The following CDK18 variants were observed in gnomAD, a reference collection of about 807,000 sequenced individuals.
CDK18 encodes cyclin dependent kinase 18.
Under a neutral mutation model 62.0 loss-of-function variants are expected in CDK18, and 52 were observed. That is an observed-to-expected ratio of 0.84 (90% confidence interval 0.67 to 1.06). CDK18 has a LOEUF of 1.06. Ranked by LOEUF, CDK18 falls within the 50% of genes least tolerant of loss-of-function variation. CDK18 has a pLI of 0.00. For synonymous variants in CDK18, 237 were observed against 247.0 expected, an observed-to-expected ratio of 0.96 and a Z score of 0.38; for missense variants, 604 against 619.9, an observed-to-expected ratio of 0.97 and a Z score of 0.27.
At chr1:205,507,428 G>A (rs4951007) in intron 1 of CDK18, among the ~76,000 whole-genome samples, 18,832 of 150,740 alleles carry the variant, frequency 0.12, 1,570 homozygotes, top group Middle Eastern at 0.19. Context: ...TCAGGAGATC[G>A]AGACCATCCT....
intron 1 of CDK18, among the ~76,000 whole-genome samples, chr1:205,513,685 A>C (rs16855692): frequency 0.071 from 10,828 of 152,210 alleles, 783 homozygotes; most frequent in African/African-American, 0.19. Flanking sequence ...AGGCTCTGAG[A>C]ATCTTCCCTG....
At chr1:205,515,266 T>A (rs1667764769) in intron 1 of CDK18, among the ~76,000 whole-genome samples, 1 of 145,250 alleles carries the variant, frequency 6.9e-6, no homozygotes, top group Non-Finnish European at 1.5e-5. Flanking sequence ...AAACTCTGCC[T>A]CCTGGGTTCA....
rs1668299756 is a variant in CDK18, at chr1:205,524,242, A to G, written c.284A>G (p.Lys95Arg). The G allele has an allele frequency of 6.2e-7, 1 of 1,614,074 alleles. No individual in the cohort carries two copies. Among genetic ancestry groups the G allele is most frequent in the African/African-American group, 1.3e-5 (1 of 74,942 alleles). Residue 95 changes from lysine (K) to arginine (R), a missense_variant, in exon 4 of 16, where the codon AAG becomes AGG. Coordinates refer to ENST00000429964, the MANE Select transcript of CDK18 (RefSeq NM_212502.3). ...QRRFSMEDVS[K>R]RLSLPMDIRL... The stretch of plus-strand genomic sequence containing the variant: ...TCCCTGTCACCACAGGACGTCAGCA[A>G]GAGGCTCTCTCTGCCCATGGATATC...
At chr1:205,511,694 GAC>G (rs1667571456) in intron 1 of CDK18, among the ~76,000 whole-genome samples, 1 of 152,174 alleles carries the variant, frequency 6.6e-6, no homozygotes, top group Non-Finnish European at 1.5e-5. Flanking sequence ...GCATGCCTGT[GAC>G]ACATGTGTAT....
intron 4 of CDK18, 60 bp downstream of exon 4, chr1:205,524,417 C>T (rs41264889): frequency 0.062 from 98,321 of 1,592,938 alleles, 3,671 homozygotes; most frequent in Admixed American, 0.14. Context: ...CCAGCATGGG[C>T]ATATCAGTCC....
intron 1 of CDK18, among the ~76,000 whole-genome samples, chr1:205,506,447 CAGA>C (rs1170029049): frequency 2.6e-5 from 4 of 152,288 alleles, no homozygotes; most frequent in African/African-American, 7.2e-5. Flanking sequence ...CCACGCGTGC[CAGA>C]AGAAGTTCTT....
At position 205,527,380 on chromosome 1, in the gene CDK18, G is replaced by A; in HGVS notation, c.730-414G>A. 1 of 214,628 alleles carries A rather than the reference G, an allele frequency of 4.7e-6. No homozygotes were observed. Among genetic ancestry groups the A allele is most frequent in the South Asian group, 8.1e-5 (1 of 12,392 alleles). The allele number at this position is 214,628 out of a possible 1,614,324, so 13.3% of individuals were successfully genotyped here. A position where few individuals can be genotyped will look rare whatever the true frequency, so the allele number is the denominator to read the frequency against. ...CATAGTCCCAGCTGCTTGAGAGGCT[G>A]AGGCAGGAGGGCCACTTGAGCCCGG... On this transcript the variant is annotated intron_variant, in intron 8 of 15. Transcript: ENST00000429964. This position sits in a 1 kb window ranked among gnomAD's most constrained non-coding sequence, Gnocchi z 4.1.
chr1:205,515,466 C>T (rs749776134), intron 1 of CDK18, among the ~76,000 whole-genome samples: 4 of 152,278 alleles, frequency 2.6e-5, no homozygotes, highest in East Asian at 3.9e-4. Flanking sequence ...CATGAGCCAC[C>T]GCGCCTAGCC....
At position 205,528,931 on chromosome 1, in the gene CDK18, TG is replaced by T; in HGVS notation, c.975-66del. On this transcript the variant is annotated intron_variant, in intron 10 of 15. Coordinates refer to ENST00000429964, the MANE Select transcript of CDK18 (RefSeq NM_212502.3). This position sits in a 1 kb window ranked among gnomAD's most constrained non-coding sequence, Gnocchi z 4.2. Reference sequence around the variant, plus strand: ...CTGTGGCAGGTCGTCATTGGTGCCCTGGTGGAGCAGCCCTAGGAAGGGCGGC... The same window carrying T: ...CTGTGGCAGGTCGTCATTGGTGCCCTGTGGAGCAGCCCTAGGAAGGGCGGC... 2.9e-6 allele frequency: 3 copies of T among 1,045,618 alleles called. No homozygotes were observed. The highest frequency in any genetic ancestry group is 2.8e-6 in the Non-Finnish European group (2 of 711,236). The allele number at this position is 1,045,618 out of a possible 1,614,324, so 64.8% of individuals were successfully genotyped here. A position where few individuals can be genotyped will look rare whatever the true frequency, so the allele number is the denominator to read the frequency against.
At chr1:205,505,814 C>G (rs1431794295) in intron 1 of CDK18, among the ~76,000 whole-genome samples, 1 of 151,960 alleles carries the variant, frequency 6.6e-6, no homozygotes, top group Non-Finnish European at 1.5e-5. Context: ...CACCTCCCGG[C>G]AGTCGGGGTG....
intron 8 of CDK18, 139 bp downstream of exon 8, chr1:205,526,976 A>G: frequency 1.4e-6 from 1 of 693,610 alleles, no homozygotes; most frequent in East Asian, 2.6e-5. Context: ...GGAGAGGGCA[A>G]TGCCATCAAC....
chr1:205,515,652 T>C (rs1667782685), intron 1 of CDK18, among the ~76,000 whole-genome samples: 1 of 152,166 alleles, frequency 6.6e-6, no homozygotes, highest in African/African-American at 2.4e-5. Context: ...GTTTCTTCCA[T>C]GACACCAAAC....
Position 205,527,967 on chromosome 1 carries a change from G to T in CDK18, c.853+50G>T. On this transcript the variant is annotated intron_variant, in intron 9 of 15. Transcript: ENST00000429964. This position sits in a 1 kb window ranked among gnomAD's most constrained non-coding sequence, Gnocchi z 4.1. ...TCTGACGCTACTGGGGTGCCTCAGG[G>T]TGTGGGTGCAGTGGGGGAGGGCATA... The T allele has an allele frequency of 6.2e-7, 1 of 1,613,228 alleles. No individual in the cohort carries two copies.
chr1:205,523,722 T>C lies in CDK18; in HGVS notation c.273+97T>C, dbSNP rs946077549. ...TGCCTTACAGCCAGACTTTGTGAGT[T>C]CAAATTCCACCTCTGCCATTCATTA... On this transcript the variant is annotated intron_variant, in intron 3 of 15. Coordinates refer to ENST00000429964, the MANE Select transcript of CDK18 (RefSeq NM_212502.3). The C allele has an allele frequency of 1.3e-5, 19 of 1,427,554 alleles. No individual in the cohort carries two copies. The Middle Eastern group carries it at 5.4e-4, about 40-fold the overall frequency. 88.4% of individuals were successfully genotyped at this position (1,427,554 alleles called of 1,614,324 possible).
intron 1 of CDK18, among the ~76,000 whole-genome samples, chr1:205,507,027 C>T (rs1446783327): frequency 2.6e-5 from 4 of 152,212 alleles, no homozygotes; most frequent in Non-Finnish European, 5.9e-5. Context: ...GTCCCGCACT[C>T]GGGAATGCGT....
At chr1:205,520,728 A>G (rs1019028999) in intron 1 of CDK18, among the ~76,000 whole-genome samples, 3 of 151,682 alleles carry the variant, frequency 2.0e-5, no homozygotes, top group African/African-American at 7.3e-5. Flanking sequence ...AAAGGAAAAA[A>G]GAAAATAATT....
chr1:205,523,845 G>A lies in CDK18; in HGVS notation c.273+220G>A, dbSNP rs1668276234. 9.1e-6 allele frequency: 6 copies of A among 656,220 alleles called. No individual in the cohort carries two copies. In the East Asian group the frequency reaches 1.7e-4, roughly 18 times the overall value. 40.6% of individuals were successfully genotyped at this position (656,220 alleles called of 1,614,324 possible). ...GATTAAATGGGTTTATCTATGCCAA[G>A]TGCTTAGAACATTCCTGAATTTAGC... On this transcript the variant is annotated intron_variant, in intron 3 of 15. Coordinates refer to ENST00000429964, the MANE Select transcript of CDK18 (RefSeq NM_212502.3).
Position 205,527,961 on chromosome 1 carries a change from C to T in CDK18, c.853+44C>T, listed in dbSNP as rs1668527172. 6.2e-7 allele frequency: 1 copy of T among 1,613,168 alleles called. No homozygotes were observed. The highest frequency in any genetic ancestry group is 8.5e-7 in the Non-Finnish European group (1 of 1,179,348). ...TGGGGGTCTGACGCTACTGGGGTGC[C>T]TCAGGGTGTGGGTGCAGTGGGGGAG... On this transcript the variant is annotated intron_variant, in intron 9 of 15. Coordinates refer to ENST00000429964, the MANE Select transcript of CDK18 (RefSeq NM_212502.3). This position sits in a 1 kb window ranked among gnomAD's most constrained non-coding sequence, Gnocchi z 4.1.
At position 205,530,725 on chromosome 1, in the gene CDK18, T is replaced by C. The variant is rs748717890; in HGVS notation, c.1390+20T>C. The C allele has an allele frequency of 6.2e-7, 1 of 1,606,572 alleles. No homozygotes were observed. The highest frequency in any genetic ancestry group is 1.1e-5 in the South Asian group (1 of 90,810). On this transcript the variant is annotated intron_variant, in intron 15 of 15. Transcript: ENST00000429964. ...AGCCAGGTAGGGGCTTGTGCTCTCC[T>C]GGACCCCTCCCCTTGTTAGTGGAAG...
Sources: gnomAD v4.1 joint callset for allele counts (sites outside exome capture counted in the v4.1 genomes callset) on GRCh38, gnomAD v4.1.1 for gene constraint, Gnocchi (gnomAD v3.1) non-coding constraint, MANE v1.5 for transcripts, NCBI Gene and HGNC (gene_info 2026-07-23, HGNC 2026-07-21) for gene names.